MACROD1: variants seen among roughly 807,000 people sequenced by gnomAD.
The protein encoded by MACROD1 is mono-ADP ribosylhydrolase 1, also known as ADP-ribose glycohydrolase MACROD1.
Under a neutral mutation model 41.4 loss-of-function variants are expected in MACROD1, and 31 were observed. The observed-to-expected ratio is 0.75, with a 90% CI of 0.56 to 1.01. MACROD1 has a LOEUF of 1.01. Among genes scored for constraint, MACROD1 ranks in the 50% least tolerant of loss-of-function variants. The pLI is 0.00. For missense variants in MACROD1, 473 were observed against 460.0 expected, an observed-to-expected ratio of 1.03 and a Z score of -0.26; for synonymous variants, 252 against 203.4, an observed-to-expected ratio of 1.24 and a Z score of -2.03.
chr11:64,019,943 C>T (rs1483034184), intron 3 of MACROD1, among the ~76,000 whole-genome samples: 2 of 152,180 alleles, frequency 1.3e-5, no homozygotes, highest in African/African-American at 4.8e-5. Flanking sequence ...GCCAACACCT[C>T]ACTGAGAGGG....
chr11:64,084,927 T>C (rs978303090), intron 3 of MACROD1, among the ~76,000 whole-genome samples: 1 of 152,212 alleles, frequency 6.6e-6, no homozygotes, highest in Non-Finnish European at 1.5e-5. Context: ...CAGCCAGCCT[T>C]GGTGCTGCCC....
At chr11:64,014,667 G>A (rs949989945) in intron 4 of MACROD1, among the ~76,000 whole-genome samples, 2 of 152,220 alleles carry the variant, frequency 1.3e-5, no homozygotes, top group African/African-American at 4.8e-5. Context: ...TGGGGGTACA[G>A]GGACACGCCC....
intron 3 of MACROD1, among the ~76,000 whole-genome samples, chr11:64,018,767 A>G (rs1427410133): frequency 6.6e-6 from 1 of 152,218 alleles, no homozygotes; most frequent in Non-Finnish European, 1.5e-5. Flanking sequence ...ACTGAGGCTC[A>G]CAGAGTACCC....
intron 4 of MACROD1, among the ~76,000 whole-genome samples, chr11:64,010,381 G>A (rs187935789): frequency 0.013 from 1,952 of 149,864 alleles, 30 homozygotes; most frequent in East Asian, 0.049. Flanking sequence ...TGGGATGTTG[G>A]CTGGGGTGTT....
At chr11:64,008,851 G>T (rs1456670388) in intron 4 of MACROD1, among the ~76,000 whole-genome samples, 2 of 152,154 alleles carry the variant, frequency 1.3e-5, no homozygotes, top group African/African-American at 4.8e-5. Flanking sequence ...GCCTGCCAGG[G>T]ACCTGCCTGA....
intron 3 of MACROD1, among the ~76,000 whole-genome samples, chr11:64,032,533 C>T (rs968642980): frequency 6.6e-6 from 1 of 152,158 alleles, no homozygotes; most frequent in African/African-American, 2.4e-5. Flanking sequence ...GCCCACCCCA[C>T]CAGGCTGTGT....
At chr11:64,149,053 A>T in intron 3 of MACROD1, 1 of 984,846 alleles carries the variant, frequency 1.0e-6, no homozygotes, top group Non-Finnish European at 1.2e-6. Flanking sequence ...AAAAGATCCC[A>T]GGAGAACACA....
intron 3 of MACROD1, chr11:64,081,687 T>C (rs557645710): frequency 6.6e-6 from 1 of 152,290 alleles, no homozygotes; most frequent in African/African-American, 2.4e-5. Flanking sequence ...GCTTGAACCA[T>C]GCAGGTGAGG....
At chr11:64,015,766 G>A (rs1352862518) in intron 3 of MACROD1, among the ~76,000 whole-genome samples, 2 of 152,122 alleles carry the variant, frequency 1.3e-5, no homozygotes, top group African/African-American at 4.8e-5. Flanking sequence ...GCTAAGCGCT[G>A]CCCAGGGCCA....
In MACROD1 at chr11:64,020,962, C is replaced by T. The variant is rs367810880; in HGVS notation, c.518-5681G>A. Among the ~76,000 whole-genome samples, 17 of 152,194 alleles carry T rather than the reference C, an allele frequency of 1.1e-4. No homozygotes were observed. In the East Asian group the frequency reaches 2.3e-3, roughly 21 times the overall value. On this transcript the variant is annotated intron_variant, in intron 3 of 10. Coordinates refer to ENST00000255681, the MANE Select transcript of MACROD1 (RefSeq NM_014067.4). ...GAACTCCTGAGCTCAGGTGATCCAC[C>T]CACCTCGGTCTCCCAAAGCGCTAGG...
intron 4 of MACROD1, chr11:64,008,926 G>T (rs914741004): frequency 6.6e-6 from 1 of 152,186 alleles, no homozygotes; most frequent in East Asian, 1.9e-4. Flanking sequence ...TAGAGATGGC[G>T]GCCACGCAGC....
At chr11:64,037,723 C>G (rs1943409610) in intron 3 of MACROD1, among the ~76,000 whole-genome samples, 2 of 152,102 alleles carry the variant, frequency 1.3e-5, no homozygotes, top group African/African-American at 4.8e-5. Context: ...TAAAAAGCAC[C>G]CTGACCCCAG....
intron 3 of MACROD1, among the ~76,000 whole-genome samples, chr11:64,017,818 G>T (rs937341145): frequency 6.6e-6 from 1 of 151,276 alleles, no homozygotes; most frequent in Non-Finnish European, 1.5e-5. Context: ...AATTAACACC[G>T]GCCACAAATG....
chr11:64,108,027 G>A (rs942255117), intron 3 of MACROD1, among the ~76,000 whole-genome samples: 1 of 152,144 alleles, frequency 6.6e-6, no homozygotes, highest in Non-Finnish European at 1.5e-5. Flanking sequence ...GAAGTAGATC[G>A]TTTATGGTCA....
intron 3 of MACROD1, among the ~76,000 whole-genome samples, chr11:64,061,816 A>G (rs550231166): frequency 1.3e-4 from 19 of 147,758 alleles, no homozygotes; most frequent in African/African-American, 4.5e-4. Context: ...CCTTCAAGCC[A>G]TCCTCCCACC....
intron 3 of MACROD1, chr11:64,087,182 G>A (rs1944409894): frequency 6.6e-6 from 1 of 152,268 alleles, no homozygotes; most frequent in Non-Finnish European, 1.5e-5. Context: ...ACGGTTCAGT[G>A]AGGTCTCCGA....
intron 3 of MACROD1, among the ~76,000 whole-genome samples, chr11:64,099,369 A>G (rs554959256): frequency 1.3e-5 from 2 of 152,356 alleles, no homozygotes; most frequent in Admixed American, 6.5e-5. Context: ...TGGATCCCCA[A>G]TGTCTTGTAC....
intron 3 of MACROD1, among the ~76,000 whole-genome samples, chr11:64,095,464 T>C (rs983064228): frequency 2.0e-5 from 3 of 151,968 alleles, no homozygotes; most frequent in Admixed American, 2.0e-4. Context: ...AGGCAAAAAA[T>C]CCCTTGGCAC....
chr11:64,018,464 A>C (rs954847430), intron 3 of MACROD1, among the ~76,000 whole-genome samples: 3 of 152,050 alleles, frequency 2.0e-5, no homozygotes, highest in African/African-American at 7.2e-5. Context: ...AATGGCCCGG[A>C]GGCTTGCAGA....
Sources: gnomAD v4.1 joint callset for allele counts (sites outside exome capture counted in the v4.1 genomes callset) on GRCh38, gnomAD v4.1.1 for gene constraint, MANE v1.5 for transcripts, NCBI Gene and HGNC (gene_info 2026-07-23, HGNC 2026-07-21) for gene names.